LY96: variants seen among roughly 807,000 people sequenced by gnomAD.
LY96 encodes myeloid differentiation protein-2.
LY96 carries 18 observed loss-of-function variants against 18.9 expected under a neutral mutation model. The observed-to-expected ratio is 0.95, with a 90% CI of 0.66 to 1.41. LY96 has a LOEUF of 1.41. Among genes scored for constraint, LY96 ranks in the 40% most tolerant of loss-of-function variants. LY96 has a pLI of 0.00. For missense variants in LY96, 175 were observed against 182.4 expected, an observed-to-expected ratio of 0.96 and a Z score of 0.23; for synonymous variants, 66 against 62.6, an observed-to-expected ratio of 1.06 and a Z score of -0.26.
chr8:74,081,062 T>G, the LY96 span, among the ~76,000 whole-genome samples: 11 of 125,396 alleles, frequency 8.8e-5, no homozygotes, highest in Non-Finnish European at 1.7e-4. Flanking sequence ...CTTTCTTTCT[T>G]TCTTACTTTC....
the LY96 span, among the ~76,000 whole-genome samples, chr8:74,060,833 G>T: frequency 6.6e-6 from 1 of 152,300 alleles, no homozygotes; most frequent in Admixed American, 6.5e-5. Context: ...AACACTTGGG[G>T]TAATTCCAGG....
At chr8:73,999,218 C>T (rs1429162866) in intron 1 of LY96, among the ~76,000 whole-genome samples, 2 of 152,138 alleles carry the variant, frequency 1.3e-5, no homozygotes, top group African/African-American at 4.8e-5. Context: ...GATCCACCCT[C>T]CTCAGCCTCC....
chr8:74,051,765 G>A, the LY96 span, among the ~76,000 whole-genome samples: 2 of 152,134 alleles, frequency 1.3e-5, no homozygotes, highest in Non-Finnish European at 2.9e-5. Flanking sequence ...GAGGTAGTCG[G>A]CCTTCAACAG....
the LY96 span, among the ~76,000 whole-genome samples, chr8:74,054,629 T>TTTCTTTCC: frequency 8.6e-6 from 1 of 115,758 alleles, no homozygotes; most frequent in South Asian, 3.7e-4. Context: ...TCTTTCTTTC[T>TTTCTTTCC]TTCTTTCTTT....
Position 74,010,149 on chromosome 8 carries a change from T to A in LY96, c.331+20T>A. Reference sequence around the variant, plus strand: ...AGGGAGGTAAGTATTCAGTTCATATTACTTTTAGAATAGGAAATAATTCTT... The same window carrying A: ...AGGGAGGTAAGTATTCAGTTCATATAACTTTTAGAATAGGAAATAATTCTT... On this transcript the variant is annotated intron_variant, in intron 3 of 4. Coordinates refer to ENST00000284818, the MANE Select transcript of LY96 (RefSeq NM_015364.5). 6.3e-7 allele frequency: 1 copy of A among 1,599,956 alleles called. No homozygotes were observed. The highest frequency in any genetic ancestry group is 8.6e-7 in the Non-Finnish European group (1 of 1,167,780).
rs1816093519 is a variant in LY96 at position 73,995,011 on chromosome 8, A to AAG, written c.112+3460_112+3461dup. Among the ~76,000 whole-genome samples the AAG allele has an allele frequency of 2.0e-5, 3 of 152,286 alleles. No homozygotes were observed. In the South Asian group the frequency reaches 6.2e-4, roughly 32 times the overall value. Reference sequence around the variant, plus strand: ...ATTTAATTGCCATTGTGATGATATTAAGAGGTGGGACTTTTAAGAGGTGAT... The same window carrying AAG: ...ATTTAATTGCCATTGTGATGATATTAAGAGAGGTGGGACTTTTAAGAGGTGAT... On this transcript the variant is annotated intron_variant, in intron 1 of 4. Transcript: ENST00000284818.
chr8:74,025,004 T>C (rs1263590432), intron 3 of LY96, among the ~76,000 whole-genome samples: 1 of 152,088 alleles, frequency 6.6e-6, no homozygotes, highest in Admixed American at 6.6e-5. Context: ...CTTTTATATA[T>C]TTTGTACAGA....
At chr8:74,024,829 A>G (rs73335866) in intron 3 of LY96, among the ~76,000 whole-genome samples, 3,825 of 152,132 alleles carry the variant, frequency 0.025, 171 homozygotes, top group African/African-American at 0.085. Flanking sequence ...ATTTTATTTT[A>G]ATTTAATGTA....
chr8:74,027,841 A>G (rs1223397613), intron 4 of LY96, among the ~76,000 whole-genome samples: 1 of 152,156 alleles, frequency 6.6e-6, no homozygotes, highest in Non-Finnish European at 1.5e-5. Context: ...CTGGAGCCTC[A>G]GGAACTTTAC....
rs17324476 is a variant in LY96, at chr8:74,014,047, C to T, written c.331+3918C>T. 9.9e-3 allele frequency among the ~76,000 whole-genome samples: 1,508 copies of T among 151,852 alleles called. 11 individuals are homozygous for T. Among genetic ancestry groups the T allele is most frequent in the Non-Finnish European group, 0.016 (1,054 of 67,976 alleles). On this transcript the variant is annotated intron_variant, in intron 3 of 4. Transcript: ENST00000284818. ...GAGAGACCATGAGGGCTGAACGAGA[C>T]GGCGGCCAGGGAGTAGCAGGGAGGA...
rs1816001680 is a variant in LY96, at chr8:73,991,464, T to G, written c.22T>G (p.Ser8Ala). 1 of 1,609,696 alleles carries G rather than the reference T, an allele frequency of 6.2e-7. No homozygotes were observed. The highest frequency in any genetic ancestry group is 8.5e-7 in the Non-Finnish European group (1 of 1,176,110). Reference protein sequence around the residue: MLPFLFFSTLFSSIFTEA... With the variant: MLPFLFFATLFSSIFTEA... ...AATCATGTTACCATTTCTGTTTTTTTCCACCCTGTTTTCTTCCATATTTAC... is the reference window on the plus strand; with the variant it reads ...AATCATGTTACCATTTCTGTTTTTTGCCACCCTGTTTTCTTCCATATTTAC... Residue 8 changes from serine to alanine, a missense_variant, in exon 1 of 5, where the codon TCC becomes GCC. Coordinates refer to ENST00000284818, the MANE Select transcript of LY96 (RefSeq NM_015364.5).
the LY96 span, among the ~76,000 whole-genome samples, chr8:74,077,174 T>C: frequency 0.054 from 8,270 of 152,252 alleles, 704 homozygotes; most frequent in African/African-American, 0.18. Context: ...CCTCCCAGCA[T>C]CTTGATGTAT....
At chr8:74,061,972 C>G in the LY96 span, among the ~76,000 whole-genome samples, 3 of 152,150 alleles carry the variant, frequency 2.0e-5, no homozygotes, top group African/African-American at 4.8e-5. Context: ...AAAAAGCGCT[C>G]CAATCAGACA....
downstream of LY96, among the ~76,000 whole-genome samples, chr8:74,031,074 G>A (rs1586664475): frequency 6.6e-6 from 1 of 152,186 alleles, no homozygotes; most frequent in Non-Finnish European, 1.5e-5. Context: ...GTTATCCAAA[G>A]GCTTCTGGAC....
At chr8:74,080,799 A>C in the LY96 span, among the ~76,000 whole-genome samples, 11 of 152,290 alleles carry the variant, frequency 7.2e-5, no homozygotes, top group African/African-American at 2.6e-4. Flanking sequence ...AGGGACCATC[A>C]GCTCTTTGTT....
At chr8:74,045,716 G>A in the LY96 span, among the ~76,000 whole-genome samples, 1 of 152,098 alleles carries the variant, frequency 6.6e-6, no homozygotes, top group African/African-American at 2.4e-5. Context: ...AAGGGTGGGG[G>A]AACCAGGAGA....
At chr8:74,045,219 A>G in the LY96 span, among the ~76,000 whole-genome samples, 1 of 152,242 alleles carries the variant, frequency 6.6e-6, no homozygotes, top group Non-Finnish European at 1.5e-5. Flanking sequence ...TCTGGGCATT[A>G]GAGAGGATAA....
the LY96 span, among the ~76,000 whole-genome samples, chr8:74,039,710 A>G: frequency 1.9e-4 from 29 of 152,330 alleles, no homozygotes; most frequent in African/African-American, 5.1e-4. Flanking sequence ...GTTTTCTTCT[A>G]TGCACTTATA....
the LY96 span, among the ~76,000 whole-genome samples, chr8:74,082,659 GA>G: frequency 6.6e-6 from 1 of 152,122 alleles, no homozygotes; most frequent in Non-Finnish European, 1.5e-5. Context: ...ACATTTATTT[GA>G]TATAAGTTTT....
Sources: gnomAD v4.1 joint callset for allele counts (sites outside exome capture counted in the v4.1 genomes callset) on GRCh38, gnomAD v4.1.1 for gene constraint, MANE v1.5 for transcripts, NCBI Gene and HGNC (gene_info 2026-07-23, HGNC 2026-07-21) for gene names.